The following PAK5 variants were observed in gnomAD, a reference collection of about 807,000 sequenced individuals.
PAK5 encodes serine/threonine-protein kinase PAK 5.
Under a neutral mutation model 65.9 loss-of-function variants are expected in PAK5, and 16 were observed. The observed-to-expected ratio is 0.24, with a 90% confidence interval of 0.16 to 0.37. The LOEUF is 0.37. Ranked by LOEUF, PAK5 falls within the 10% of genes least tolerant of loss-of-function variation. The pLI is 1.00. For missense variants in PAK5, 785 were observed against 903.9 expected, an observed-to-expected ratio of 0.87 and a Z score of 1.69; for synonymous variants, 371 against 354.9, an observed-to-expected ratio of 1.05 and a Z score of -0.51.
At position 9,838,109 on chromosome 20, in the gene PAK5, C is replaced by T. The variant is rs1339788133; in HGVS notation, c.-162+653G>A. Among the ~76,000 whole-genome samples, 1 of 152,066 alleles carries T rather than the reference C, an allele frequency of 6.6e-6. No homozygotes were observed. The highest frequency in any genetic ancestry group is 1.9e-4 in the East Asian group (1 of 5,140). ...GACAAGAGTTTGGAACCAAGATCCT[C>T]TTCCACGCCCTGCTCACAAGGGTGC... On this transcript the variant is annotated intron_variant, in intron 1 of 9. Transcript: ENST00000353224. This position sits in a 1 kb window ranked among gnomAD's most constrained non-coding sequence, Gnocchi z 4.5.
intron 1 of PAK5, among the ~76,000 whole-genome samples, chr20:9,815,913 C>T (rs1358187972): frequency 1.3e-5 from 2 of 152,194 alleles, no homozygotes; most frequent in African/African-American, 4.8e-5. Flanking sequence ...CACAGCTTCT[C>T]ATAATGAAGG....
intron 2 of PAK5, among the ~76,000 whole-genome samples, chr20:9,685,528 G>GAC (rs2047707455): frequency 6.6e-6 from 1 of 152,202 alleles, no homozygotes; most frequent in Non-Finnish European, 1.5e-5. Flanking sequence ...GGAGAAATAT[G>GAC]TGGAACAGAT....
intron 1 of PAK5, among the ~76,000 whole-genome samples, chr20:9,782,924 C>CT (rs113360688): frequency 0.3 from 43,065 of 143,320 alleles, 6,537 homozygotes; most frequent in Middle Eastern, 0.5. Context: ...CTCTTTCTTT[C>CT]TTTTTTTTTT....
At chr20:9,786,495 T>G (rs1186169833) in intron 1 of PAK5, among the ~76,000 whole-genome samples, 2 of 152,098 alleles carry the variant, frequency 1.3e-5, no homozygotes, top group African/African-American at 4.8e-5. Context: ...ACTCACTCTT[T>G]TAAGAAAAAA....
rs2123002573 is a variant in PAK5 at position 9,566,364 on chromosome 20, C to G, written c.1011G>C (p.Gln337His). 6.2e-7 allele frequency: 1 copy of G among 1,613,466 alleles called. No homozygotes were observed. Among genetic ancestry groups the G allele is most frequent in the Admixed American group, 1.7e-5 (1 of 60,010 alleles). Reference sequence around the variant, plus strand: ...CTGACAGTGGAGGGCTGAGGACCATCTGTGCTCGATCGTAATCCACCTGGG... The same window carrying G: ...CTGACAGTGGAGGGCTGAGGACCATGTGTGCTCGATCGTAATCCACCTGGG... ...CIPKVDYDRA[Q>H]MVLSPPLSGS... Residue 337 changes from glutamine (Q) to histidine (H), a missense_variant, in exon 5 of 10, where the codon CAG becomes CAC. Transcript: ENST00000353224.
chr20:9,735,899 T>C (rs1292082542), intron 1 of PAK5, among the ~76,000 whole-genome samples: 2 of 137,476 alleles, frequency 1.5e-5, no homozygotes, highest in Non-Finnish European at 3.0e-5. Flanking sequence ...ATAGAAACAA[T>C]CTATTTTTTT....
intron 8 of PAK5, 37 bp downstream of exon 8, chr20:9,544,332 C>T: frequency 6.2e-7 from 1 of 1,607,226 alleles, no homozygotes; most frequent in Non-Finnish European, 8.5e-7. Flanking sequence ...TGAGCCTGTC[C>T]CCAGTCCTGC....
intron 1 of PAK5, among the ~76,000 whole-genome samples, chr20:9,800,607 G>T (rs1182871734): frequency 6.6e-6 from 1 of 152,032 alleles, no homozygotes; most frequent in Non-Finnish European, 1.5e-5. Flanking sequence ...TTACAATAAT[G>T]CAGTTCATTG....
intron 2 of PAK5, among the ~76,000 whole-genome samples, chr20:9,669,220 C>T (rs545221165): frequency 1.3e-5 from 2 of 152,112 alleles, no homozygotes; most frequent in South Asian, 4.1e-4. Flanking sequence ...TATTTTAGAT[C>T]TAGTAAAAAG....
At chr20:9,646,075 A>G (rs1221768587) in intron 2 of PAK5, among the ~76,000 whole-genome samples, 1 of 152,184 alleles carries the variant, frequency 6.6e-6, no homozygotes, top group Non-Finnish European at 1.5e-5. Flanking sequence ...ATATTTGTTG[A>G]TGGACTAAAA....
chr20:9,810,725 A>C (rs973831534), intron 1 of PAK5, among the ~76,000 whole-genome samples: 4 of 152,186 alleles, frequency 2.6e-5, no homozygotes, highest in Admixed American at 2.0e-4. Flanking sequence ...CTATTACCCT[A>C]ATGGAGAATC....
At chr20:9,811,885 A>G (rs2049302058) in intron 1 of PAK5, among the ~76,000 whole-genome samples, 1 of 152,126 alleles carries the variant, frequency 6.6e-6, no homozygotes, top group Non-Finnish European at 1.5e-5. Context: ...TTCTTCAAAC[A>G]CTGGCTTCTC....
At chr20:9,650,747 A>G (rs2123297088) in intron 2 of PAK5, among the ~76,000 whole-genome samples, 1 of 152,182 alleles carries the variant, frequency 6.6e-6, no homozygotes, top group Non-Finnish European at 1.5e-5. Flanking sequence ...CATGTAGCAT[A>G]CTTGTGGGGC....
chr20:9,643,982 C>A (rs923619681), intron 3 of PAK5, 143 bp downstream of exon 3: 21 of 655,348 alleles, frequency 3.2e-5, no homozygotes, highest in Admixed American at 9.1e-5. Flanking sequence ...AAATTATAAT[C>A]ATGAAAGAAT....
intron 1 of PAK5, among the ~76,000 whole-genome samples, chr20:9,815,751 G>A (rs1275496000): frequency 2.0e-5 from 3 of 151,970 alleles, no homozygotes; most frequent in Non-Finnish European, 4.4e-5. Flanking sequence ...TTATTAAAAT[G>A]GTAATTAAAT....
At chr20:9,568,896 C>T (rs537541430) in intron 4 of PAK5, among the ~76,000 whole-genome samples, 41 of 152,184 alleles carry the variant, frequency 2.7e-4, no homozygotes, top group African/African-American at 8.9e-4. Context: ...ACTGAGGACT[C>T]CTGCTAAGAG....
At chr20:9,573,520 A>G (rs1011796274) in intron 4 of PAK5, among the ~76,000 whole-genome samples, 9 of 152,232 alleles carry the variant, frequency 5.9e-5, no homozygotes, top group Admixed American at 3.3e-4. Flanking sequence ...TTAAATGCAC[A>G]TTAATCTGAA....
chr20:9,825,506 T>C (rs1010665504), intron 1 of PAK5, among the ~76,000 whole-genome samples: 2 of 152,200 alleles, frequency 1.3e-5, no homozygotes, highest in Non-Finnish European at 2.9e-5. Flanking sequence ...TGAAATATGA[T>C]ACCATCCTTT....
chr20:9,819,904 C>T (rs1252290129), intron 1 of PAK5, among the ~76,000 whole-genome samples: 2 of 152,008 alleles, frequency 1.3e-5, no homozygotes, highest in African/African-American at 4.8e-5. Context: ...GATCTAAACC[C>T]AAGAGCTGTA....
Sources: allele counts gnomAD v4.1 joint callset (sites outside exome capture counted in the v4.1 genomes callset), GRCh38; gene constraint gnomAD v4.1.1; non-coding constraint Gnocchi (gnomAD v3.1); transcripts MANE v1.5; gene names NCBI Gene and HGNC (gene_info 2026-07-23, HGNC 2026-07-21).